GUSB: variants seen among roughly 807,000 people sequenced by gnomAD.
GUSB encodes beta-glucuronidase.
GUSB carries 51 observed loss-of-function variants against 74.6 expected under a neutral mutation model. The observed-to-expected ratio is 0.68, with a 90% CI of 0.55 to 0.86. GUSB has a LOEUF of 0.86. Among genes scored for constraint, GUSB ranks in the 40% least tolerant of loss-of-function variants. The probability of loss-of-function intolerance (pLI) is 0.00; values close to 1 mark genes in which losing one functional copy is unlikely to be tolerated. For synonymous variants in GUSB, 360 were observed against 348.3 expected (o/e 1.03, Z -0.37); for missense variants, 736 against 853.7 (o/e 0.86, Z 1.72).
chr7:65,982,021 G>T lies in GUSB; in HGVS notation c.163C>A (p.Arg55=). The T allele has an allele frequency of 6.2e-7, 1 of 1,610,322 alleles. No individual in the cohort carries two copies. ...CACTGCTCCTCGAAGCCCCGGCGTC[G>T]GTTGTCAGAGAAGTCGGCGCGGAAG... ...WSFRADFSDN[R]RRGFEEQWYR... is the part of the protein sequence containing the mutation. The change falls in exon 1 of 12, where the codon CGA becomes AGA. Residue 55 remains arginine (R), a synonymous_variant. Coordinates refer to ENST00000304895, the MANE Select transcript of GUSB (RefSeq NM_000181.4).
chr7:65,960,871 G>C lies in GUSB; in HGVS notation c.*26C>G. The C allele has an allele frequency of 6.2e-7, 1 of 1,605,788 alleles. No homozygotes were observed. Among genetic ancestry groups the C allele is most frequent in the Non-Finnish European group, 8.5e-7 (1 of 1,172,586 alleles). ...AAGTCGCCCTGACTCGGGGAGGAAG[G>C]GACACGCAGGTGGTATCAGTCTTGC... On this transcript the variant is annotated 3_prime_UTR_variant, in exon 12 of 12. Transcript: ENST00000304895.
At chr7:65,971,605 G>A (rs543308946) in intron 8 of GUSB, among the ~76,000 whole-genome samples, 12 of 152,108 alleles carry the variant, frequency 7.9e-5, no homozygotes, top group East Asian at 1.9e-4. Context: ...GGTGGCATGC[G>A]CCTGGAATCC....
At chr7:65,965,467 T>C (rs1023136070) in intron 10 of GUSB, among the ~76,000 whole-genome samples, 2 of 152,198 alleles carry the variant, frequency 1.3e-5, no homozygotes, top group African/African-American at 4.8e-5. Flanking sequence ...TCAGTAGCCA[T>C]GTGTAGCTAG....
intron 4 of GUSB, among the ~76,000 whole-genome samples, chr7:65,978,001 G>A (rs1186825763): frequency 1.3e-5 from 2 of 151,398 alleles, no homozygotes; most frequent in Admixed American, 6.6e-5. Context: ...TAGTAGAGAC[G>A]GAGTTTCACC....
chr7:65,979,305 C>T, intron 4 of GUSB, 94 bp downstream of exon 4: 5 of 1,235,012 alleles, frequency 4.0e-6, no homozygotes, highest in Non-Finnish European at 6.0e-6. Context: ...TGTAGAGATG[C>T]TGGGAGCACC....
At chr7:65,980,473 C>T in intron 1 of GUSB, 64 bp from the exon 2 acceptor site, 1 of 1,447,594 alleles carries the variant, frequency 6.9e-7, no homozygotes, top group Non-Finnish European at 9.6e-7. Flanking sequence ...CAGTGTGCTG[C>T]ACGGCTGTGC....
Position 65,974,507 on chromosome 7 carries a change from G to C in GUSB, c.1244+19C>G. On this transcript the variant is annotated intron_variant, in intron 7 of 11. Coordinates refer to ENST00000304895, the MANE Select transcript of GUSB (RefSeq NM_000181.4). ...CCCCCGGGCTGGGCAGGCGGAGCAG[G>C]TGCACAGCAGAGACTCACGGCAGCG... 6.2e-7 allele frequency: 1 copy of C among 1,614,086 alleles called. No individual in the cohort carries two copies. Among genetic ancestry groups the C allele is most frequent in the Non-Finnish European group, 8.5e-7 (1 of 1,179,986 alleles).
chr7:65,976,956 C>T (rs972221080), intron 4 of GUSB, among the ~76,000 whole-genome samples: 3 of 151,874 alleles, frequency 2.0e-5, no homozygotes, highest in African/African-American at 7.2e-5. Context: ...AACCACGGCA[C>T]TGAGACACGT....
intron 10 of GUSB, among the ~76,000 whole-genome samples, chr7:65,965,947 G>A (rs1394433419): frequency 6.6e-6 from 1 of 151,924 alleles, no homozygotes; most frequent in Non-Finnish European, 1.5e-5. Context: ...AAGGCGGGCG[G>A]ATCACTTGAG....
intron 2 of GUSB, 39 bp downstream of exon 2, chr7:65,980,185 G>GGGGGCCCC: frequency 1.4e-6 from 1 of 725,274 alleles, no homozygotes; most frequent in Non-Finnish European, 2.4e-6. Context: ...CAGCAGCCGT[G>GGGGGCCCC]CCCCCCCACC....
chr7:65,971,487 G>C (rs1213850541), intron 8 of GUSB, among the ~76,000 whole-genome samples: 2 of 152,036 alleles, frequency 1.3e-5, no homozygotes, highest in African/African-American at 4.8e-5. Context: ...CCAACACTTT[G>C]GGAGGCCGAG....
intron 5 of GUSB, chr7:65,975,560 T>A (rs1309875548): frequency 8.5e-6 from 2 of 234,520 alleles, no homozygotes; most frequent in Non-Finnish European, 1.7e-5. Context: ...AATTTTCATA[T>A]TTTTAGTAGA....
At chr7:65,961,771 A>G (rs897795596) in intron 11 of GUSB, among the ~76,000 whole-genome samples, 1 of 152,222 alleles carries the variant, frequency 6.6e-6, no homozygotes, top group African/African-American at 2.4e-5. Context: ...TGGGAGGACA[A>G]AGCAGGCGGA....
intron 9 of GUSB, among the ~76,000 whole-genome samples, chr7:65,969,764 G>C (rs1791075885): frequency 6.6e-6 from 1 of 152,182 alleles, no homozygotes. Context: ...AGAATGCAGA[G>C]ATCTGGCATT....
chr7:65,965,927 T>C (rs1790802035), intron 10 of GUSB, among the ~76,000 whole-genome samples: 2 of 152,180 alleles, frequency 1.3e-5, no homozygotes, highest in South Asian at 4.1e-4. Context: ...TCCCAGCACT[T>C]TGGGAGGCCA....
chr7:65,978,092 G>A (rs922363109), intron 4 of GUSB, among the ~76,000 whole-genome samples: 13 of 152,072 alleles, frequency 8.5e-5, no homozygotes, highest in Non-Finnish European at 1.3e-4. Context: ...TTACAGGCAT[G>A]AGCCACCGCG....
chr7:65,975,329 T>C (rs983576570), intron 5 of GUSB: 1 of 507,504 alleles, frequency 2.0e-6, no homozygotes, highest in African/African-American at 1.9e-5. Flanking sequence ...GGAGGATCAC[T>C]TGAGTCCAGG....
chr7:65,961,001 C>T lies in GUSB; in HGVS notation c.1852G>A (p.Ala618Thr). 6.2e-7 allele frequency: 1 copy of T among 1,613,422 alleles called. No individual in the cohort carries two copies. The highest frequency in any genetic ancestry group is 8.5e-7 in the Non-Finnish European group (1 of 1,179,792). Reference protein sequence around the residue: ...IFTRQRQPKSAAFLLRERYWK... With the variant: ...IFTRQRQPKSTAFLLRERYWK... ...TATCTCTCTCGCAAAAGGAACGCTG[C>T]ACTTTTTGGTTGTCTCTGCCGAGTG... Residue 618 changes from alanine (A) to threonine (T), a missense_variant, in exon 12 of 12, where the codon GCA (alanine) becomes ACA (threonine). Around this residue, in one of 2 missense-constraint regions of GUSB, gnomAD observed 368 missense variants for 489.9 expected, o/e 0.75. Coordinates refer to ENST00000304895, the MANE Select transcript of GUSB (RefSeq NM_000181.4).
chr7:65,979,358 A>T, intron 4 of GUSB, 41 bp downstream of exon 4: 2 of 1,568,212 alleles, frequency 1.3e-6, no homozygotes, highest in Non-Finnish European at 1.7e-6. Context: ...AAACAGAGCC[A>T]CCCTGGGCCC....
Sources: allele counts gnomAD v4.1 joint callset (sites outside exome capture counted in the v4.1 genomes callset), GRCh38; gene constraint gnomAD v4.1.1; regional missense constraint gnomAD v4.1.1; transcripts MANE v1.5; gene names NCBI Gene and HGNC (gene_info 2026-07-23, HGNC 2026-07-21).